Variants in SLC15A2 observed in about 807,000 individuals in gnomAD.
SLC15A2 encodes the protein kidney H(+)/peptide cotransporter.
In SLC15A2, 77 loss-of-function variants were observed where a neutral mutation model predicts 95.5. That is an observed-to-expected ratio of 0.81 (90% CI 0.67 to 0.97). SLC15A2 has a LOEUF of 0.97. Among genes scored for constraint, SLC15A2 ranks in the 50% least tolerant of loss-of-function variants. The pLI is 0.00. For missense variants in SLC15A2, 893 were observed against 874.4 expected, an observed-to-expected ratio of 1.02 and a Z score of -0.27; for synonymous variants, 306 against 306.9, an observed-to-expected ratio of 1.00 and a Z score of 0.03.
At chr3:121,922,935 T>G (rs1710036854) in intron 9 of SLC15A2, 74 bp downstream of exon 9, 4 of 1,536,968 alleles carry the variant, frequency 2.6e-6, no homozygotes, top group Non-Finnish European at 3.6e-6. Context: ...TCTATCCTAC[T>G]GCATTCAACC....
rs1233322826 is a variant in SLC15A2, at chr3:121,940,435, G to T, written c.1960G>T (p.Ala654Ser). 3 of 1,614,106 alleles carry T rather than the reference G, an allele frequency of 1.9e-6. No individual in the cohort carries two copies. In the Admixed American group the frequency reaches 5.0e-5, roughly 27 times the overall value. ...CCAGGCAGCTTGGCTATTGACAATTGCAGTTGGGAATATCATCGTGCTTGT... is the reference window on the plus strand; with the variant it reads ...CCAGGCAGCTTGGCTATTGACAATTTCAGTTGGGAATATCATCGTGCTTGT... Reference protein sequence around the residue: ...VLQAAWLLTIAVGNIIVLVVA... With the variant: ...VLQAAWLLTISVGNIIVLVVA... Residue 654 changes from alanine to serine, a missense_variant, in exon 21 of 22, where the codon GCA becomes TCA. Physicochemically the swap from Ala to Ser is moderately conservative, Grantham distance 99. Coordinates refer to ENST00000489711, the MANE Select transcript of SLC15A2 (RefSeq NM_021082.4).
rs1033446745 is a variant in SLC15A2, at chr3:121,938,350, G to A, written c.1762-999G>A. On this transcript the variant is annotated intron_variant, in intron 19 of 21. Coordinates refer to ENST00000489711, the MANE Select transcript of SLC15A2 (RefSeq NM_021082.4). ...TAAGCAAGCCTGGGCAATGGCGGGC[G>A]CCCCTCCCCCAGCCTCGCTGCCACC... Among the ~76,000 whole-genome samples the A allele has an allele frequency of 5.3e-5, 8 of 152,348 alleles. 1 individual carries two copies. In the South Asian group the frequency reaches 1.5e-3, roughly 28 times the overall value.
intron 1 of SLC15A2, chr3:121,895,284 A>G (rs1709395764): frequency 6.6e-6 from 1 of 152,186 alleles, no homozygotes; most frequent in South Asian, 2.1e-4. Flanking sequence ...TCAGTATGTT[A>G]ACACAGCCAG....
Position 121,931,691 on chromosome 3 carries a change from G to T in SLC15A2, c.1717G>T (p.Gly573Cys). ...AGATAAGAACTTTTCTCTGAATTTG[G>T]GTCTTCTAGACTTTGGTGCAGCATA... ...TEDKNFSLNL[G>C]LLDFGAAYLF... is the part of the protein sequence containing the mutation. The change falls in exon 19 of 22, where the codon GGT (glycine) becomes TGT (cysteine). Residue 573 changes from glycine (G) to cysteine (C), a missense_variant. Coordinates refer to ENST00000489711, the MANE Select transcript of SLC15A2 (RefSeq NM_021082.4). 1 of 1,613,562 alleles carries T rather than the reference G, an allele frequency of 6.2e-7. No homozygotes were observed. The highest frequency in any genetic ancestry group is 8.5e-7 in the Non-Finnish European group (1 of 1,179,656).
chr3:121,929,314 G>A lies in SLC15A2; in HGVS notation c.1519G>A (p.Glu507Lys). The change falls in exon 17 of 22, where the codon GAA becomes AAA. Residue 507 changes from glutamate (E) to lysine (K), a missense_variant. Coordinates refer to ENST00000489711, the MANE Select transcript of SLC15A2 (RefSeq NM_021082.4). ...TCCTCTGTTGTAGGTAAAGGATACAGAAAGCAGAACAACCAATGGGATGAC... is the reference window on the plus strand; with the variant it reads ...TCCTCTGTTGTAGGTAAAGGATACAAAAAGCAGAACAACCAATGGGATGAC... ...SISSMMVKDT[E>K]SRTTNGMTTV... 1 of 1,614,010 alleles carries A rather than the reference G, an allele frequency of 6.2e-7. No individual in the cohort carries two copies. The highest frequency in any genetic ancestry group is 8.5e-7 in the Non-Finnish European group (1 of 1,179,906).
intron 19 of SLC15A2, among the ~76,000 whole-genome samples, chr3:121,934,294 T>G (rs906500541): frequency 1.3e-4 from 20 of 152,290 alleles, no homozygotes; most frequent in East Asian, 5.8e-4. Context: ...TTCCAATTCT[T>G]TGAAGAAAGT....
At position 121,910,453 on chromosome 3, in the gene SLC15A2, C is replaced by T. The variant is rs891216415; in HGVS notation, c.336-1121C>T. On this transcript the variant is annotated intron_variant, in intron 3 of 21. Coordinates refer to ENST00000489711, the MANE Select transcript of SLC15A2 (RefSeq NM_021082.4). ...CTCGTGATCCACCCACCTTGGCCCC[C>T]CAAAGTGCTGGGATTACAAGCGTGA... Among the ~76,000 whole-genome samples, 5 of 152,224 alleles carry T rather than the reference C, an allele frequency of 3.3e-5. No homozygotes were observed. The South Asian group carries it at 1.0e-3, about 32-fold the overall frequency.
intron 19 of SLC15A2, among the ~76,000 whole-genome samples, chr3:121,938,309 G>T (rs1029736277): frequency 1.3e-5 from 2 of 152,236 alleles, no homozygotes. Context: ...GGAGCTTCTC[G>T]GCTGCTTTGT....
chr3:121,924,796 T>C lies in SLC15A2; in HGVS notation c.1036-149T>C, dbSNP rs750804962. The C allele has an allele frequency of 7.5e-5, 51 of 682,606 alleles. No homozygotes were observed. The Middle Eastern group carries it at 1.1e-3, about 15-fold the overall frequency. The allele number at this position is 682,606 out of a possible 1,614,324, so 42.3% of individuals were successfully genotyped here. A position where few individuals can be genotyped will look rare whatever the true frequency, so the allele number is the denominator to read the frequency against. ...AGGGAAATAGGGTCTTGGGTGTAAA[T>C]GGACTGAGGAATGTGGAGTCATTCT... On this transcript the variant is annotated intron_variant, in intron 12 of 21. Coordinates refer to ENST00000489711, the MANE Select transcript of SLC15A2 (RefSeq NM_021082.4).
intron 7 of SLC15A2, among the ~76,000 whole-genome samples, chr3:121,918,890 C>G (rs1203867069): frequency 6.6e-6 from 1 of 152,202 alleles, no homozygotes; most frequent in Non-Finnish European, 1.5e-5. Context: ...AGGATTCCTT[C>G]AGTGCTGCTT....
rs1448697957 is a variant in SLC15A2 at position 121,941,865 on chromosome 3, T to G, written c.*858T>G. On this transcript the variant is annotated 3_prime_UTR_variant, in exon 22 of 22. Transcript: ENST00000489711. The stretch of plus-strand genomic sequence containing the variant: ...TAAACAATAATTATAATTTGCAACC[T>G]TGTCTTGTCAACCTTGCTGATCCAG... 2 of 152,236 alleles carry G rather than the reference T, an allele frequency of 1.3e-5. No individual in the cohort carries two copies. Among genetic ancestry groups the G allele is most frequent in the Admixed American group, 6.5e-5 (1 of 15,274 alleles). The allele number at this position is 152,236 out of a possible 1,614,324, so 9.4% of individuals were successfully genotyped here. A position where few individuals can be genotyped will look rare whatever the true frequency, so the allele number is the denominator to read the frequency against.
chr3:121,932,448 AG>A (rs1346129445), intron 19 of SLC15A2, among the ~76,000 whole-genome samples: 5 of 152,226 alleles, frequency 3.3e-5, no homozygotes, highest in Non-Finnish European at 7.3e-5. Context: ...TTGATCTGCT[AG>A]CATGTCACAG....
In SLC15A2 at chr3:121,942,193, T is replaced by C. The variant is rs1245974119; in HGVS notation, c.*1186T>C. 2 of 152,096 alleles carry C rather than the reference T, an allele frequency of 1.3e-5. No individual in the cohort carries two copies. Among genetic ancestry groups the C allele is most frequent in the Non-Finnish European group, 2.9e-5 (2 of 68,012 alleles). The allele number at this position is 152,096 out of a possible 1,614,324, so 9.4% of individuals were successfully genotyped here. ...TCCTATGTGAGGTTCCTATCAAAAT[T>C]TGTGGGAGTAGGGATGGTAGAGCAT... On this transcript the variant is annotated 3_prime_UTR_variant, in exon 22 of 22. Transcript: ENST00000489711.
At chr3:121,913,165 A>C in intron 5 of SLC15A2, 45 bp downstream of exon 5, 1 of 1,436,000 alleles carries the variant, frequency 7.0e-7, no homozygotes. Context: ...TAGAGCCAGC[A>C]TTAATGGGGG....
intron 3 of SLC15A2, among the ~76,000 whole-genome samples, chr3:121,897,750 T>C (rs955620747): frequency 6.6e-6 from 1 of 152,252 alleles, no homozygotes; most frequent in East Asian, 1.9e-4. Flanking sequence ...TGTGTTTACA[T>C]CCTCTTCAGT....
chr3:121,903,913 A>G (rs59551650), intron 3 of SLC15A2, among the ~76,000 whole-genome samples: 67,989 of 151,928 alleles, frequency 0.45, 15,736 homozygotes, highest in East Asian at 0.69. Flanking sequence ...TGATGGGGAT[A>G]GCATTGAATC....
chr3:121,922,111 C>A, intron 7 of SLC15A2, 109 bp from the exon 8 acceptor site: 2 of 809,484 alleles, frequency 2.5e-6, no homozygotes, highest in Non-Finnish European at 4.1e-6. Flanking sequence ...TAGGTTTGTG[C>A]AAAAGTTATT....
chr3:121,912,043 TGTGTA>T (rs1443468977), intron 4 of SLC15A2, among the ~76,000 whole-genome samples: 1 of 152,226 alleles, frequency 6.6e-6, no homozygotes, highest in Non-Finnish European at 1.5e-5. Flanking sequence ...TTTACATTTA[TGTGTA>T]GTTCCATATA....
intron 19 of SLC15A2, among the ~76,000 whole-genome samples, chr3:121,935,097 C>T (rs1426776517): frequency 6.6e-6 from 1 of 152,316 alleles, no homozygotes; most frequent in Non-Finnish European, 1.5e-5. Context: ...ACCAGCCTTG[C>T]ATCCCAGGGA....
Sources: allele counts gnomAD v4.1 joint callset (sites outside exome capture counted in the v4.1 genomes callset), GRCh38; gene constraint gnomAD v4.1.1; transcripts MANE v1.5; gene names NCBI Gene and HGNC (gene_info 2026-07-23, HGNC 2026-07-21).